The following KSR2 variants were observed in gnomAD, a reference collection of about 807,000 sequenced individuals.
KSR2 encodes kinase suppressor of ras 2.
Under a neutral mutation model 107.8 loss-of-function variants are expected in KSR2, and 25 were observed. The observed-to-expected ratio is 0.23, with a 90% CI of 0.17 to 0.32. KSR2 has a LOEUF of 0.32. KSR2 is among the 10% of genes least tolerant of loss of function. The probability of loss-of-function intolerance (pLI) is 1.00; values close to 1 mark genes in which losing one functional copy is unlikely to be tolerated. For missense variants in KSR2, 887 were observed against 1,268.9 expected, an observed-to-expected ratio of 0.70 and a Z score of 4.57; for synonymous variants, 480 against 507.0, an observed-to-expected ratio of 0.95 and a Z score of 0.71.
At position 117,457,564 on chromosome 12, in the gene KSR2, G is replaced by C. The variant is rs1870682881; in HGVS notation, c.*9635C>G. 1 of 152,242 alleles carries C rather than the reference G, an allele frequency of 6.6e-6. No individual in the cohort carries two copies. Among genetic ancestry groups the C allele is most frequent in the Admixed American group, 6.5e-5 (1 of 15,278 alleles). 9.4% of individuals were successfully genotyped at this position (152,242 alleles called of 1,614,324 possible). On this transcript the variant is annotated 3_prime_UTR_variant, in exon 20 of 20. Transcript: ENST00000339824. ...GATGCCATATCAGAAGTGGGGGTCA[G>C]AGAAGCTCAGGTGACACCATGCCTG...
At chr12:117,681,541 C>T (rs966695974) in intron 4 of KSR2, among the ~76,000 whole-genome samples, 5 of 152,042 alleles carry the variant, frequency 3.3e-5, no homozygotes, top group African/African-American at 9.7e-5. Flanking sequence ...GAGGTGAAGT[C>T]GGGAGGCAGC....
At position 117,466,920 on chromosome 12, in the gene KSR2, T is replaced by C; in HGVS notation, c.*279A>G. 2.6e-6 allele frequency: 1 copy of C among 378,388 alleles called. No individual in the cohort carries two copies. Among genetic ancestry groups the C allele is most frequent in the African/African-American group, 2.1e-5 (1 of 48,232 alleles). The allele number at this position is 378,388 out of a possible 1,614,324, so 23.4% of individuals were successfully genotyped here. A position where few individuals can be genotyped will look rare whatever the true frequency, so the allele number is the denominator to read the frequency against. ...AGGCACCACGTGCAGCCTGCAGTGCTCTCATTAGTGCTGTCCCCTGGGCCG... is the reference window on the plus strand; with the variant it reads ...AGGCACCACGTGCAGCCTGCAGTGCCCTCATTAGTGCTGTCCCCTGGGCCG... On this transcript the variant is annotated 3_prime_UTR_variant, in exon 20 of 20. Coordinates refer to ENST00000339824, the MANE Select transcript of KSR2 (RefSeq NM_173598.6).
chr12:117,721,725 G>A (rs576261058), intron 4 of KSR2, among the ~76,000 whole-genome samples: 4 of 152,164 alleles, frequency 2.6e-5, no homozygotes, highest in Non-Finnish European at 5.9e-5. Flanking sequence ...ACTCCCTAGG[G>A]GTGTCTACAA....
chr12:117,964,214 T>A (rs1896733579), intron 1 of KSR2, among the ~76,000 whole-genome samples: 1 of 152,004 alleles, frequency 6.6e-6, no homozygotes, highest in Non-Finnish European at 1.5e-5. Context: ...GGAGGCAGAG[T>A]GAGCTGAGAT....
At chr12:117,894,232 C>A (rs7974194) in intron 1 of KSR2, among the ~76,000 whole-genome samples, 78,024 of 152,120 alleles carry the variant, frequency 0.51, 22,305 homozygotes, top group East Asian at 0.88. Flanking sequence ...TAAAGACAGG[C>A]TCTAATAGTG....
intron 7 of KSR2, among the ~76,000 whole-genome samples, chr12:117,569,195 A>G (rs567143137): frequency 1.3e-5 from 2 of 152,326 alleles, no homozygotes; most frequent in African/African-American, 4.8e-5. Context: ...TTGCAAGAAC[A>G]TAGGAGAGCA....
At chr12:117,515,022 G>A (rs1874277168) in intron 14 of KSR2, among the ~76,000 whole-genome samples, 1 of 152,106 alleles carries the variant, frequency 6.6e-6, no homozygotes, top group African/African-American at 2.4e-5. Flanking sequence ...TTGGATAAGG[G>A]GCAGGTTCCA....
rs898216927 is a variant in KSR2 at position 117,842,113 on chromosome 12, G to A, written c.472+13315C>T. Among the ~76,000 whole-genome samples, 4 of 152,246 alleles carry A rather than the reference G, an allele frequency of 2.6e-5. No individual in the cohort carries two copies. Among genetic ancestry groups the A allele is most frequent in the Non-Finnish European group, 4.4e-5 (3 of 68,050 alleles). On this transcript the variant is annotated intron_variant, in intron 3 of 19. Coordinates refer to ENST00000339824, the MANE Select transcript of KSR2 (RefSeq NM_173598.6). This position sits in a 1 kb window ranked among gnomAD's most constrained non-coding sequence, Gnocchi z 4.2. ...AATGCAGATTTCTGGGCACTGCCCC[G>A]GACTGGCTGAAGCAGGAACTCTGGG...
chr12:117,714,919 G>A (rs1356360073), intron 4 of KSR2, among the ~76,000 whole-genome samples: 1 of 152,112 alleles, frequency 6.6e-6, no homozygotes, highest in Non-Finnish European at 1.5e-5. Flanking sequence ...GCTATGTGGA[G>A]GGCATTTGCA....
chr12:117,525,606 C>A (rs898641063), intron 13 of KSR2, among the ~76,000 whole-genome samples: 2 of 152,198 alleles, frequency 1.3e-5, no homozygotes, highest in Non-Finnish European at 2.9e-5. Flanking sequence ...GGACTAAGAT[C>A]CAGGTCTCTG....
At chr12:117,689,715 AATAAATATAAAT>A (rs10589889) in intron 4 of KSR2, among the ~76,000 whole-genome samples, 2,827 of 150,310 alleles carry the variant, frequency 0.019, 46 homozygotes, top group African/African-American at 0.052. Context: ...TATTTATACA[AATAAATATAAAT>A]ATAAATATAA....
chr12:117,522,081 C>G (rs755738974), intron 14 of KSR2, among the ~76,000 whole-genome samples: 21 of 152,104 alleles, frequency 1.4e-4, no homozygotes, highest in Non-Finnish European at 2.5e-4. Flanking sequence ...TATCGTGGTG[C>G]CAGGAAAAGG....
At chr12:117,693,504 T>C (rs964716117) in intron 4 of KSR2, among the ~76,000 whole-genome samples, 1 of 152,164 alleles carries the variant, frequency 6.6e-6, no homozygotes, top group Non-Finnish European at 1.5e-5. Flanking sequence ...TCACTGAAGA[T>C]GGGTGGCTGC....
intron 3 of KSR2, among the ~76,000 whole-genome samples, chr12:117,810,500 A>G (rs1260596967): frequency 6.6e-6 from 1 of 152,086 alleles, no homozygotes; most frequent in Non-Finnish European, 1.5e-5. Flanking sequence ...TCTTGTAGAG[A>G]TGAGGTCTCA....
At chr12:117,840,999 CA>C (rs11452478) in intron 3 of KSR2, among the ~76,000 whole-genome samples, 3,290 of 140,596 alleles carry the variant, frequency 0.023, 102 homozygotes, top group African/African-American at 0.079. Context: ...GATTCTGTCT[CA>C]AAAAAAAAAA....
At chr12:117,594,270 G>C (rs1214532530) in intron 5 of KSR2, among the ~76,000 whole-genome samples, 1 of 152,150 alleles carries the variant, frequency 6.6e-6, no homozygotes, top group Non-Finnish European at 1.5e-5. Context: ...GGACAGACCA[G>C]ACAAGCTTGC....
intron 5 of KSR2, among the ~76,000 whole-genome samples, chr12:117,584,179 G>A (rs927351569): frequency 6.6e-6 from 1 of 152,132 alleles, no homozygotes; most frequent in African/African-American, 2.4e-5. Context: ...TAGCCCGTGG[G>A]ATTCCTTTAG....
At chr12:117,674,131 T>G (rs1477065232) in intron 4 of KSR2, among the ~76,000 whole-genome samples, 1 of 152,244 alleles carries the variant, frequency 6.6e-6, no homozygotes, top group African/African-American at 2.4e-5. Flanking sequence ...TGTTGGAATC[T>G]GGGAAAACTC....
chr12:117,605,462 T>C (rs1039163584), intron 5 of KSR2, among the ~76,000 whole-genome samples: 1 of 152,186 alleles, frequency 6.6e-6, no homozygotes, highest in Non-Finnish European at 1.5e-5. Context: ...ATGTGTGCCA[T>C]GGTGGTTTGC....
Sources: allele counts gnomAD v4.1 joint callset (sites outside exome capture counted in the v4.1 genomes callset), GRCh38; gene constraint gnomAD v4.1.1; non-coding constraint Gnocchi (gnomAD v3.1); transcripts MANE v1.5; gene names NCBI Gene and HGNC (gene_info 2026-07-23, HGNC 2026-07-21).